Variants in BTBD3 observed in about 807,000 individuals in gnomAD.
BTBD3 encodes BTB/POZ domain-containing protein 3.
BTBD3 carries 14 observed loss-of-function variants against 41.6 expected under a neutral mutation model. That is an observed-to-expected ratio of 0.34 (90% confidence interval 0.22 to 0.53). The LOEUF (loss-of-function observed/expected upper bound fraction) is 0.53, where lower values mean the gene tolerates loss of function less well. Among genes scored for constraint, BTBD3 ranks in the 20% least tolerant of loss-of-function variants. The pLI is 0.95. For synonymous variants in BTBD3, 249 were observed against 233.7 expected (o/e 1.07, Z -0.60); for missense variants, 426 against 654.7 (o/e 0.65, Z 3.81).
At chr20:11,908,345 A>T (rs1412575485) in intron 1 of BTBD3, among the ~76,000 whole-genome samples, 1 of 17,744 alleles carries the variant, frequency 5.6e-5, no homozygotes, top group African/African-American at 1.6e-4. Context: ...TTTTTAAATA[A>T]GGTACTGACA....
intron 1 of BTBD3, among the ~76,000 whole-genome samples, chr20:11,893,978 A>T (rs1409033039): frequency 6.6e-6 from 1 of 152,246 alleles, no homozygotes; most frequent in Non-Finnish European, 1.5e-5. Context: ...ACCCAAGTTT[A>T]TTGAACTAGT....
upstream of BTBD3, among the ~76,000 whole-genome samples, chr20:11,914,522 C>T (rs191165549): frequency 2.0e-5 from 3 of 152,012 alleles, no homozygotes; most frequent in East Asian, 3.9e-4. Flanking sequence ...ATCTGGTGGT[C>T]CCTAGTCTGA....
At chr20:11,907,595 T>C (rs921601761) in intron 1 of BTBD3, among the ~76,000 whole-genome samples, 5 of 152,140 alleles carry the variant, frequency 3.3e-5, no homozygotes, top group Non-Finnish European at 7.4e-5. Context: ...TAAGGCAAGA[T>C]AGAATGTGAG....
chr20:11,919,676 C>T, intron 2 of BTBD3, 42 bp from the exon 3 acceptor site: 1 of 1,573,636 alleles, frequency 6.4e-7, no homozygotes, highest in South Asian at 1.1e-5. Flanking sequence ...CTGGAAATGC[C>T]TTCAATTTAG....
At chr20:11,890,825 C>T (rs2056744196) in exon 1 of BTBD3, 7 of 985,252 alleles carry the variant, frequency 7.1e-6, no homozygotes, top group South Asian at 4.7e-5. Context: ...GCAGAGCGTG[C>T]CCTGCGTGCG....
intron 1 of BTBD3, chr20:11,891,187 G>C (rs963896596): frequency 6.2e-6 from 1 of 161,460 alleles, no homozygotes; most frequent in East Asian, 1.9e-4. Context: ...AGGGGGGGGG[G>C]GTCCCAGTGG....
upstream of BTBD3, among the ~76,000 whole-genome samples, chr20:11,915,796 G>A (rs570127057): frequency 6.6e-6 from 1 of 152,238 alleles, no homozygotes; most frequent in African/African-American, 2.4e-5. Flanking sequence ...AACTAGTATT[G>A]TCAGAATTTT....
chr20:11,893,090 T>G (rs770727495), intron 1 of BTBD3, among the ~76,000 whole-genome samples: 1 of 152,140 alleles, frequency 6.6e-6, no homozygotes, highest in Non-Finnish European at 1.5e-5. Context: ...AAAACAGGTA[T>G]GCTATAGACA....
Position 11,924,240 on chromosome 20 carries a change from G to A in BTBD3, c.*574G>A, listed in dbSNP as rs147299646. ...AATTACTAAATTCATAAGATAGTTAGGTATTAAACACTTCAGAATATCAAT... is the reference window on the plus strand; with the variant it reads ...AATTACTAAATTCATAAGATAGTTAAGTATTAAACACTTCAGAATATCAAT... On this transcript the variant is annotated 3_prime_UTR_variant, in exon 4 of 4. Coordinates refer to ENST00000378226, the MANE Select transcript of BTBD3 (RefSeq NM_014962.4). 1.4e-4 allele frequency: 21 copies of A among 152,406 alleles called. No individual in the cohort carries two copies. The highest frequency in any genetic ancestry group is 4.6e-4 in the African/African-American group (19 of 41,528). The allele number at this position is 152,406 out of a possible 1,614,324, so 9.4% of individuals were successfully genotyped here.
rs768958178 is a variant in BTBD3 at position 11,923,718 on chromosome 20, C to G, written c.*52C>G. 6.6e-7 allele frequency: 1 copy of G among 1,504,466 alleles called. No homozygotes were observed. Among genetic ancestry groups the G allele is most frequent in the East Asian group, 2.3e-5 (1 of 44,142 alleles). 93.2% of individuals were successfully genotyped at this position (1,504,466 alleles called of 1,614,324 possible). On this transcript the variant is annotated 3_prime_UTR_variant, in exon 4 of 4. Transcript: ENST00000378226. The surrounding 1 kb of genome is among the most constrained non-coding windows in gnomAD (Gnocchi z 5.3). ...CTCCAAAGTGCACATCTGGTTCCAA[C>G]TTGCCTGATGCTTAGCTCATCTGCA...
At position 11,923,459 on chromosome 20, in the gene BTBD3, G is replaced by A; in HGVS notation, c.1362G>A (p.Trp454Ter). Residue 454 changes from tryptophan (W) to a stop codon, truncating the protein, a stop_gained, in exon 4 of 4, where the codon TGG becomes TGA. Coordinates refer to ENST00000378226, the MANE Select transcript of BTBD3 (RefSeq NM_014962.4). LOFTEE classifies it high-confidence loss of function. This position sits in a 1 kb window ranked among gnomAD's most constrained non-coding sequence, Gnocchi z 5.3. The stretch of plus-strand genomic sequence containing the variant: ...GGTCCAGCAATACCTTTCCCGTATG[G>A]TTTGAATACCCAGTGCAGATCGAGC... ...SDGSSNTFPVWFEYPVQIEPD... is the reference protein window; with the variant it reads ...SDGSSNTFPV 6.2e-7 allele frequency: 1 copy of A among 1,614,082 alleles called. No individual in the cohort carries two copies. Among genetic ancestry groups the A allele is most frequent in the Admixed American group, 1.7e-5 (1 of 60,012 alleles).
Position 11,918,398 on chromosome 20 carries a change from C to T in BTBD3, c.123C>T (p.Asn41=), listed in dbSNP as rs1296750205. 1.2e-6 allele frequency: 2 copies of T among 1,614,156 alleles called. No homozygotes were observed. Among genetic ancestry groups the T allele is most frequent in the Admixed American group, 1.7e-5 (1 of 60,022 alleles). ...KKANTSSSSS[N]SSKLPPVCYE... is the part of the protein sequence containing the mutation. Reference sequence around the variant, plus strand: ...CAAATACCAGCAGCAGCAGTAGCAACAGCAGCAAGTTGCCACCAGTTTGTT... The same window carrying T: ...CAAATACCAGCAGCAGCAGTAGCAATAGCAGCAAGTTGCCACCAGTTTGTT... Residue 41 remains asparagine, a synonymous_variant, in exon 1 of 4, where the codon AAC becomes AAT. Transcript: ENST00000378226.
At chr20:11,905,180 T>G (rs943804852) in intron 1 of BTBD3, among the ~76,000 whole-genome samples, 4 of 152,218 alleles carry the variant, frequency 2.6e-5, no homozygotes, top group African/African-American at 9.6e-5. Context: ...TACTGTCAGT[T>G]TTCCTTGCAG....
At chr20:11,901,615 T>C (rs1200028361) in intron 1 of BTBD3, among the ~76,000 whole-genome samples, 1 of 152,228 alleles carries the variant, frequency 6.6e-6, no homozygotes, top group Non-Finnish European at 1.5e-5. Context: ...TCACGCGTAC[T>C]TGAAATGTTT....
exon 1 of BTBD3, chr20:11,890,833 G>C: frequency 3.0e-6 from 3 of 985,014 alleles, no homozygotes; most frequent in Non-Finnish European, 3.6e-6. Context: ...TGCCCTGCGT[G>C]CGGGTGCCCG....
At chr20:11,905,411 G>A (rs1412666046) in intron 1 of BTBD3, among the ~76,000 whole-genome samples, 2 of 152,088 alleles carry the variant, frequency 1.3e-5, no homozygotes, top group African/African-American at 2.4e-5. Context: ...ATTTCATGAC[G>A]TAGAATATTT....
rs1600221498 is a variant in BTBD3 at position 11,890,833 on chromosome 20, G to A, written c.-247G>A. The A allele has an allele frequency of 6.1e-6, 6 of 985,014 alleles. No individual in the cohort carries two copies. In the African/African-American group the frequency reaches 7.0e-5, roughly 11 times the overall value. The allele number at this position is 985,014 out of a possible 1,614,324, so 61.0% of individuals were successfully genotyped here. On this transcript the variant is annotated 5_prime_UTR_variant, in exon 1 of 5. Coordinates refer to the BTBD3 transcript ENST00000254977. Reference sequence around the variant, plus strand: ...CGCTCCCGCAGAGCGTGCCCTGCGTGCGGGTGCCCGCCGAGCCCGCCGGGC... The same window carrying A: ...CGCTCCCGCAGAGCGTGCCCTGCGTACGGGTGCCCGCCGAGCCCGCCGGGC...
At position 11,922,766 on chromosome 20, in the gene BTBD3, G is replaced by A. The variant is rs753219695; in HGVS notation, c.669G>A (p.Lys223=). The change falls in exon 4 of 4, where the codon AAG becomes AAA. Residue 223 remains lysine (K), a synonymous_variant. Transcript: ENST00000378226. Reference sequence around the variant, plus strand: ...TCCTGGAGACCAGCCTGAGTGCCAAGAATGCCTGTGTGCTCCTCTCCCAGA... The same window carrying A: ...TCCTGGAGACCAGCCTGAGTGCCAAAAATGCCTGTGTGCTCCTCTCCCAGA... ...VNFLETSLSA[K]NACVLLSQSC... The A allele has an allele frequency of 6.2e-7, 1 of 1,614,170 alleles. No homozygotes were observed. The highest frequency in any genetic ancestry group is 8.5e-7 in the Non-Finnish European group (1 of 1,180,020).
intron 1 of BTBD3, among the ~76,000 whole-genome samples, chr20:11,901,803 G>T (rs1217492371): frequency 2.6e-5 from 4 of 152,112 alleles, no homozygotes; most frequent in African/African-American, 9.7e-5. Flanking sequence ...GTTCGGTTTG[G>T]CTTATAGGAA....
Sources: allele counts gnomAD v4.1 joint callset (sites outside exome capture counted in the v4.1 genomes callset), GRCh38; gene constraint gnomAD v4.1.1; non-coding constraint Gnocchi (gnomAD v3.1); transcripts MANE v1.5; gene names NCBI Gene and HGNC (gene_info 2026-07-23, HGNC 2026-07-21).